FAM118B: variants seen among roughly 807,000 people sequenced by gnomAD.
The protein encoded by FAM118B is protein FAM118B.
In FAM118B, 24 loss-of-function variants were observed where a neutral mutation model predicts 38.5. The observed-to-expected ratio is 0.62, with a 90% CI of 0.45 to 0.88. FAM118B has a LOEUF of 0.88. FAM118B is among the 40% of genes least tolerant of loss of function. The pLI is 0.00. For missense variants in FAM118B, 334 were observed against 420.0 expected (o/e 0.80, Z 1.79); for synonymous variants, 138 against 156.3 (o/e 0.88, Z 0.87).
chr11:126,249,985 G>A (rs566240881), intron 4 of FAM118B, among the ~76,000 whole-genome samples: 6 of 151,828 alleles, frequency 4.0e-5, no homozygotes, highest in Admixed American at 1.3e-4. Flanking sequence ...GGAAGCTTAC[G>A]TATAGTAGCA....
intron 3 of FAM118B, among the ~76,000 whole-genome samples, chr11:126,240,162 T>C (rs1950336502): frequency 1.3e-5 from 2 of 152,186 alleles, no homozygotes; most frequent in Non-Finnish European, 1.5e-5. Flanking sequence ...CTGCTTATCA[T>C]GGTAAGAAAG....
intron 1 of FAM118B, among the ~76,000 whole-genome samples, chr11:126,219,111 C>T (rs1351770162): frequency 6.6e-6 from 1 of 152,072 alleles, no homozygotes; most frequent in Non-Finnish European, 1.5e-5. Context: ...AAATTGAATG[C>T]TTATCTCCTG....
chr11:126,214,491 TTTTTTTTTTTTGTTTTTTTTTTG>T lies in FAM118B; in HGVS notation c.-77+2673_-77+2695del, dbSNP rs1451118442. On this transcript the variant is annotated intron_variant, in intron 1 of 8. Transcript: ENST00000533050. The stretch of plus-strand genomic sequence containing the variant: ...ACTGCAAAAAACTCTTTTGTTTCTG[TTTTTTTTTTTTGTTTTTTTTTTG>T]TTTTTTTTTTTTTACCTCTATATTG... 2.6e-4 allele frequency: 19 copies of T among 73,906 alleles called. 1 individual carries two copies. Among genetic ancestry groups the T allele is most frequent in the South Asian group, 2.5e-3 (3 of 1,208 alleles). The allele number at this position is 73,906 out of a possible 1,614,324, so 4.6% of individuals were successfully genotyped here. A position where few individuals can be genotyped will look rare whatever the true frequency, so the allele number is the denominator to read the frequency against.
At chr11:126,241,258 A>G (rs1950354493) in intron 4 of FAM118B, 3 of 451,234 alleles carry the variant, frequency 6.6e-6, no homozygotes, top group East Asian at 3.1e-5. Flanking sequence ...CTGTGTGTCT[A>G]TGAGAGAGAA....
rs1182339663 is a variant in FAM118B, at chr11:126,211,811, T to A, written c.-96T>A. On this transcript the variant is annotated 5_prime_UTR_variant, in exon 1 of 9. Transcript: ENST00000533050. ...CGGCCGGTAGCTGCAGCTGGAGCAG[T>A]GGCGTTTGGAGGAGACTCGGTGAGT... is the stretch of plus-strand genomic sequence containing the variant. 2.9e-6 allele frequency: 2 copies of A among 682,830 alleles called. No individual in the cohort carries two copies. The highest frequency in any genetic ancestry group is 1.8e-5 in the African/African-American group (1 of 55,428). The allele number at this position is 682,830 out of a possible 1,614,324, so 42.3% of individuals were successfully genotyped here. A position where few individuals can be genotyped will look rare whatever the true frequency, so the allele number is the denominator to read the frequency against.
At chr11:126,239,299 A>G (rs1178036529) in intron 3 of FAM118B, among the ~76,000 whole-genome samples, 2 of 152,162 alleles carry the variant, frequency 1.3e-5, no homozygotes, top group Non-Finnish European at 2.9e-5. Context: ...TTATAGTTCA[A>G]ATCTGTATGT....
chr11:126,219,812 TCTA>T (rs1950039239), intron 1 of FAM118B, among the ~76,000 whole-genome samples: 1 of 151,790 alleles, frequency 6.6e-6, no homozygotes, highest in Non-Finnish European at 1.5e-5. Flanking sequence ...CTTTCTTTCT[TCTA>T]CTGCAGAAAA....
At chr11:126,245,597 G>T (rs1023268695) in intron 4 of FAM118B, among the ~76,000 whole-genome samples, 4 of 151,996 alleles carry the variant, frequency 2.6e-5, no homozygotes, top group African/African-American at 4.8e-5. Flanking sequence ...GGGAGGCTGA[G>T]GTAGGAGGAT....
chr11:126,250,282 G>A lies in FAM118B; in HGVS notation c.340-224G>A, dbSNP rs1212046931. ...AATTTTTTTTATTTTTAGTAGAGAC[G>A]GGGTTTCACCGTGTTAGCCAGGATG... On this transcript the variant is annotated intron_variant, in intron 4 of 8. Transcript: ENST00000533050. The surrounding 1 kb of genome is among the most constrained non-coding windows in gnomAD (Gnocchi z 5.1). Among the ~76,000 whole-genome samples the A allele has an allele frequency of 2.6e-5, 4 of 152,056 alleles. No homozygotes were observed. Among genetic ancestry groups the A allele is most frequent in the South Asian group, 2.1e-4 (1 of 4,804 alleles).
At chr11:126,237,244 G>T (rs1591513951) in intron 3 of FAM118B, among the ~76,000 whole-genome samples, 1 of 43,808 alleles carries the variant, frequency 2.3e-5, no homozygotes, top group African/African-American at 8.6e-5. Context: ...TTTTTGAGAT[G>T]GAGTCTCGCT....
At chr11:126,214,101 C>T (rs940067194) in intron 1 of FAM118B, among the ~76,000 whole-genome samples, 3 of 152,104 alleles carry the variant, frequency 2.0e-5, no homozygotes, top group Admixed American at 6.5e-5. Flanking sequence ...GTAATCCCAG[C>T]ACTTTGGGAG....
rs751984388 is a variant in FAM118B at position 126,250,755 on chromosome 11, C to G, written c.567+22C>G. On this transcript the variant is annotated intron_variant, in intron 5 of 8. Transcript: ENST00000533050. This position sits in a 1 kb window ranked among gnomAD's most constrained non-coding sequence, Gnocchi z 5.1. ...AAAGGTAAAAAGTAAAGCATTGGTC[C>G]CTTCTTCAGGCTAGTGGATTTTATC... The G allele has an allele frequency of 2.6e-6, 4 of 1,537,786 alleles. No homozygotes were observed. The African/African-American group carries it at 4.1e-5, about 16-fold the overall frequency.
At position 126,256,898 on chromosome 11, in the gene FAM118B, T is replaced by G; in HGVS notation, c.982+46T>G. 2.6e-6 allele frequency: 4 copies of G among 1,544,580 alleles called. No individual in the cohort carries two copies. Among genetic ancestry groups the G allele is most frequent in the Non-Finnish European group, 3.5e-6 (4 of 1,137,818 alleles). Reference sequence around the variant, plus strand: ...GAGGGGAATCAGAGAACAACAGCTCTTCAGCCTTTTGTGTATTTGTGATGT... The same window carrying G: ...GAGGGGAATCAGAGAACAACAGCTCGTCAGCCTTTTGTGTATTTGTGATGT... On this transcript the variant is annotated intron_variant, in intron 7 of 8. Transcript: ENST00000533050. This position sits in a 1 kb window ranked among gnomAD's most constrained non-coding sequence, Gnocchi z 6.6.
intron 7 of FAM118B, chr11:126,260,624 T>G (rs927572178): frequency 6.6e-6 from 1 of 152,222 alleles, no homozygotes; most frequent in African/African-American, 2.4e-5. Context: ...GTAATTTCCT[T>G]GATGAGTTCT....
chr11:126,261,945 G>A (rs762084466), intron 8 of FAM118B, among the ~76,000 whole-genome samples, 175 bp from the exon 9 acceptor site: 1 of 152,060 alleles, frequency 6.6e-6, no homozygotes, highest in Non-Finnish European at 1.5e-5. Flanking sequence ...TTTGAGCCTG[G>A]GTGACAAAGA....
chr11:126,217,801 C>G (rs1950000198), intron 1 of FAM118B, among the ~76,000 whole-genome samples: 1 of 152,238 alleles, frequency 6.6e-6, no homozygotes, highest in Admixed American at 6.5e-5. Flanking sequence ...TTTGCCCACA[C>G]ACTTGTTTGA....
chr11:126,235,154 T>A (rs1565330796), intron 3 of FAM118B, 67 bp downstream of exon 3: 2 of 1,281,874 alleles, frequency 1.6e-6, no homozygotes, highest in Non-Finnish European at 1.1e-6. Context: ...AATAGCCAAC[T>A]TATACCTTCT....
intron 2 of FAM118B, among the ~76,000 whole-genome samples, chr11:126,234,420 AG>A (rs2135154877): frequency 6.6e-6 from 1 of 152,346 alleles, no homozygotes; most frequent in South Asian, 2.1e-4. Context: ...CAGTCATCAC[AG>A]TGGCTTGATT....
At chr11:126,228,349 G>A (rs2135144390) in intron 1 of FAM118B, among the ~76,000 whole-genome samples, 2 of 149,602 alleles carry the variant, frequency 1.3e-5, no homozygotes, top group East Asian at 4.1e-4. Context: ...ACAGGTGTGT[G>A]CCACCACACC....
Sources: allele counts gnomAD v4.1 joint callset (sites outside exome capture counted in the v4.1 genomes callset), GRCh38; gene constraint gnomAD v4.1.1; non-coding constraint Gnocchi (gnomAD v3.1); transcripts MANE v1.5; gene names NCBI Gene and HGNC (gene_info 2026-07-23, HGNC 2026-07-21).